SLC28A2: variants seen among roughly 807,000 people sequenced by gnomAD.
SLC28A2 encodes the protein solute carrier family 28 member 2.
A neutral mutation model predicts 72.9 loss-of-function variants in SLC28A2; 69 were observed. The ratio of observed to expected loss-of-function variants is 0.95; its 90% confidence interval spans 0.78 to 1.16. The LOEUF (loss-of-function observed/expected upper bound fraction) is 1.16. Ranked by LOEUF, SLC28A2 falls within the 50% of genes most tolerant of loss-of-function variation. The pLI, the probability that SLC28A2 is intolerant of heterozygous loss-of-function variation, is 0.00. For synonymous variants in SLC28A2, 296 were observed against 294.1 expected, an observed-to-expected ratio of 1.01 and a Z score of -0.07; for missense variants, 745 against 791.1, an observed-to-expected ratio of 0.94 and a Z score of 0.70.
chr15:45,263,288 C>A, intron 5 of SLC28A2, 44 bp downstream of exon 5: 2 of 1,574,520 alleles, frequency 1.3e-6, no homozygotes, highest in Non-Finnish European at 8.6e-7. Flanking sequence ...CTTATCCCAG[C>A]CCACCTCCTT....
chr15:45,253,415 G>C lies in SLC28A2; in HGVS notation c.82-17G>C. On this transcript the variant is annotated splice_polypyrimidine_tract_variant and intron_variant, in intron 2 of 17. Coordinates refer to ENST00000347644, the MANE Select transcript of SLC28A2 (RefSeq NM_004212.4). ...GCAGGGCTCCATGACTGATCCCAAT[G>C]CTCTCTGTGCTTGTAGGAAAAAGAA... The C allele has an allele frequency of 6.2e-7, 1 of 1,607,518 alleles. No homozygotes were observed. The highest frequency in any genetic ancestry group is 8.5e-7 in the Non-Finnish European group (1 of 1,174,114).
rs1045608361 is a variant in SLC28A2 at position 45,252,238 on chromosome 15, C to G, written c.-57C>G. 2.2e-6 allele frequency: 1 copy of G among 455,568 alleles called. No individual in the cohort carries two copies. The highest frequency in any genetic ancestry group is 2.0e-5 in the African/African-American group (1 of 50,026). The allele number at this position is 455,568 out of a possible 1,614,324, so 28.2% of individuals were successfully genotyped here. A position where few individuals can be genotyped will look rare whatever the true frequency, so the allele number is the denominator to read the frequency against. ...TCGCAGCTGAGCTTTTCTTTCAGTC[C>G]TTCACTGAGGAGCCAGAGGGAATCA... On this transcript the variant is annotated 5_prime_UTR_variant, in exon 1 of 18. Transcript: ENST00000347644.
At chr15:45,259,785 CA>C (rs532782167) in intron 3 of SLC28A2, among the ~76,000 whole-genome samples, 7 of 152,048 alleles carry the variant, frequency 4.6e-5, no homozygotes, top group Non-Finnish European at 8.8e-5. Context: ...GACAGGTAAA[CA>C]GAAAAATGAC....
intron 8 of SLC28A2, 35 bp from the exon 9 acceptor site, chr15:45,265,548 T>G (rs754497950): frequency 1.4e-6 from 2 of 1,446,268 alleles, no homozygotes; most frequent in South Asian, 2.3e-5. Flanking sequence ...GTATGCAATG[T>G]AACATCTCAC....
At chr15:45,272,509 A>C (rs573591238) in intron 16 of SLC28A2, 116 bp downstream of exon 16, 3 of 869,688 alleles carry the variant, frequency 3.4e-6, no homozygotes, top group Non-Finnish European at 5.6e-6. Flanking sequence ...ACTTCCCTAG[A>C]TCATGACAGG....
chr15:45,263,880 G>A lies in SLC28A2; in HGVS notation c.447-1G>A. 10 of 1,604,518 alleles carry A rather than the reference G, an allele frequency of 6.2e-6. No individual in the cohort carries two copies. Among genetic ancestry groups the A allele is most frequent in the Non-Finnish European group, 8.5e-6 (10 of 1,175,030 alleles). ...ACATGGTCTTGGCATTCCTTCTTCA[G>A]GGTGTTTGCAGGAGTCTCCTTGGTT... On this transcript the variant is annotated splice_acceptor_variant, in intron 5 of 17. Transcript: ENST00000347644. LOFTEE classifies it high-confidence loss of function.
At position 45,275,521 on chromosome 15, in the gene SLC28A2, T is replaced by C. The variant is rs367657262; in HGVS notation, c.*8T>C. The C allele has an allele frequency of 2.0e-5, 31 of 1,525,576 alleles. No individual in the cohort carries two copies. In the African/African-American group the frequency reaches 3.0e-4, roughly 15 times the overall value. The allele number at this position is 1,525,576 out of a possible 1,614,324, so 94.5% of individuals were successfully genotyped here. ...AATACCGTCTGTGCCTAAGGCTGCT[T>C]GATCTATTTCTATAACAGTTTTGAT... On this transcript the variant is annotated 3_prime_UTR_variant, in exon 18 of 18. Transcript: ENST00000347644.
intron 5 of SLC28A2, 35 bp from the exon 6 acceptor site, chr15:45,263,846 G>C (rs759846130): frequency 2.1e-5 from 34 of 1,583,410 alleles, no homozygotes; most frequent in Middle Eastern, 1.7e-4. Context: ...TTCATTCACT[G>C]GGTTGATGAC....
chr15:45,264,646 T>G lies in SLC28A2; in HGVS notation c.589-9T>G. ...ACTCACATTGAAATAATATTCTTAT[T>G]GATCCTAGGTGTCCTGGAGGACAGT... On this transcript the variant is annotated splice_polypyrimidine_tract_variant and intron_variant, in intron 6 of 17. Transcript: ENST00000347644. 1 of 1,554,624 alleles carries G rather than the reference T, an allele frequency of 6.4e-7. No homozygotes were observed. Among genetic ancestry groups the G allele is most frequent in the South Asian group, 1.1e-5 (1 of 89,710 alleles).
Position 45,262,971 on chromosome 15 carries a change from C to A in SLC28A2, c.263-90C>A, listed in dbSNP as rs1397883156. On this transcript the variant is annotated intron_variant, in intron 4 of 17. Transcript: ENST00000347644. ...CAAGGTCTCTGGAGGGTTTTTCTTGCTCTAAGTCCCAGGCATTCATGACTG... is the reference window on the plus strand; with the variant it reads ...CAAGGTCTCTGGAGGGTTTTTCTTGATCTAAGTCCCAGGCATTCATGACTG... 6 of 1,149,474 alleles carry A rather than the reference C, an allele frequency of 5.2e-6. No homozygotes were observed. The East Asian group carries it at 9.4e-5, about 18-fold the overall frequency. The allele number at this position is 1,149,474 out of a possible 1,614,324, so 71.2% of individuals were successfully genotyped here. A position where few individuals can be genotyped will look rare whatever the true frequency, so the allele number is the denominator to read the frequency against.
chr15:45,263,791 AG>A, intron 5 of SLC28A2, 89 bp from the exon 6 acceptor site: 1 of 1,337,278 alleles, frequency 7.5e-7, no homozygotes, highest in Non-Finnish European at 1.0e-6. Context: ...ATCACAGGCC[AG>A]GAGTGAGAGA....
chr15:45,265,931 GT>G, intron 9 of SLC28A2, 149 bp from the exon 10 acceptor site: 1 of 650,076 alleles, frequency 1.5e-6, no homozygotes. Context: ...TCAAGGCTCT[GT>G]TTCTAAGTTG....
rs763866740 is a variant in SLC28A2, at chr15:45,264,736, A to G, written c.670A>G (p.Thr224Ala). The G allele has an allele frequency of 1.2e-6, 2 of 1,613,402 alleles. No individual in the cohort carries two copies. Among genetic ancestry groups the G allele is most frequent in the Non-Finnish European group, 1.7e-6 (2 of 1,179,354 alleles). ...ILVIRTDLGY[T>A]VFQWLGEQVQ... ...GGTCATCAGAACTGATCTTGGATAT[A>G]CTGTATTTCAGTGGCTGGGAGAGCA... The change falls in exon 7 of 18, where the codon ACT becomes GCT. Residue 224 changes from threonine (T) to alanine (A), a missense_variant. Physicochemically the swap from Thr to Ala is moderately conservative, Grantham distance 58 (BLOSUM62 0). Coordinates refer to ENST00000347644, the MANE Select transcript of SLC28A2 (RefSeq NM_004212.4).
At position 45,272,398 on chromosome 15, in the gene SLC28A2, GT is replaced by G; in HGVS notation, c.1747+6del. ...TTATCAGTGCCTGTATGGCAGGTAGGTGCCTCAGCTCTGATGGAGATACTGC... is the reference window on the plus strand; with the variant it reads ...TTATCAGTGCCTGTATGGCAGGTAGGGCCTCAGCTCTGATGGAGATACTGC... On this transcript the variant is annotated splice_donor_region_variant and intron_variant, in intron 16 of 17. Coordinates refer to ENST00000347644, the MANE Select transcript of SLC28A2 (RefSeq NM_004212.4). 1 of 1,607,274 alleles carries G rather than the reference GT, an allele frequency of 6.2e-7. No individual in the cohort carries two copies. Among genetic ancestry groups the G allele is most frequent in the Non-Finnish European group, 8.5e-7 (1 of 1,174,086 alleles).
rs1169163148 is a variant in SLC28A2 at position 45,264,520 on chromosome 15, T to G, written c.589-135T>G. The G allele has an allele frequency of 3.3e-5, 21 of 637,286 alleles. 1 individual carries two copies. The Admixed American group carries it at 5.7e-4, about 17-fold the overall frequency. 39.5% of individuals were successfully genotyped at this position (637,286 alleles called of 1,614,324 possible). ...CCCTGTTTCTCCCTACCATTGCCCCTGCTCCCTATGCCATCAGACCCTAGA... is the reference window on the plus strand; with the variant it reads ...CCCTGTTTCTCCCTACCATTGCCCCGGCTCCCTATGCCATCAGACCCTAGA... On this transcript the variant is annotated intron_variant, in intron 6 of 17. Coordinates refer to ENST00000347644, the MANE Select transcript of SLC28A2 (RefSeq NM_004212.4).
chr15:45,256,298 G>A (rs907225945), intron 3 of SLC28A2, among the ~76,000 whole-genome samples: 1 of 152,054 alleles, frequency 6.6e-6, no homozygotes, highest in African/African-American at 2.4e-5. Flanking sequence ...GCCTCCCAAA[G>A]TGCTGAGATT....
intron 6 of SLC28A2, 126 bp from the exon 7 acceptor site, chr15:45,264,529 T>C (rs1900267482): frequency 3.0e-6 from 2 of 658,406 alleles, no homozygotes. Flanking sequence ...CTGCTCCCTA[T>C]GCCATCAGAC....
In SLC28A2 at chr15:45,272,693, G is replaced by C. The variant is rs754264672; in HGVS notation, c.1768G>C (p.Gly590Arg). ...TCCAGGAATCCTCTATGTCCCCAGG[G>C]GAGCTGAAGCTGACTGTGTCTCCTT... The part of the protein sequence containing the change: ...CMAGILYVPR[G>R]AEADCVSFPN... The change falls in exon 17 of 18, where the codon GGA (glycine) becomes CGA (arginine). Residue 590 changes from glycine to arginine, a missense_variant. Physicochemically the swap from Gly to Arg is moderately radical, Grantham distance 125 (BLOSUM62 -2). Coordinates refer to ENST00000347644, the MANE Select transcript of SLC28A2 (RefSeq NM_004212.4). The C allele has an allele frequency of 1.2e-6, 2 of 1,605,120 alleles. No homozygotes were observed. The highest frequency in any genetic ancestry group is 1.7e-6 in the Non-Finnish European group (2 of 1,171,896).
intron 1 of SLC28A2, among the ~76,000 whole-genome samples, chr15:45,252,762 C>G (rs1447555928): frequency 2.0e-5 from 3 of 152,180 alleles, no homozygotes. Flanking sequence ...ACTTTAGGGT[C>G]CGGGTCTTCC....
Sources: allele counts gnomAD v4.1 joint callset (sites outside exome capture counted in the v4.1 genomes callset), GRCh38; gene constraint gnomAD v4.1.1; transcripts MANE v1.5; gene names NCBI Gene and HGNC (gene_info 2026-07-23, HGNC 2026-07-21).